Variants in DIABLO observed in about 807,000 individuals in gnomAD.
The protein encoded by DIABLO is diablo homolog, mitochondrial.
DIABLO carries 32 observed loss-of-function variants against 31.7 expected under a neutral mutation model. That is an observed-to-expected ratio of 1.01 (90% CI 0.76 to 1.35). DIABLO has a LOEUF of 1.35. Ranked by LOEUF, DIABLO falls within the 40% of genes most tolerant of loss-of-function variation. The pLI, the probability that DIABLO is intolerant of heterozygous loss-of-function variation, is 0.00. For missense variants in DIABLO, 316 were observed against 286.4 expected (o/e 1.10, Z -0.75); for synonymous variants, 132 against 103.2 (o/e 1.28, Z -1.69).
At position 122,218,246 on chromosome 12, in the gene DIABLO, AG is replaced by A. The variant is rs1566025688; in HGVS notation, c.315+19del. 1 of 1,613,968 alleles carries A rather than the reference AG, an allele frequency of 6.2e-7. No individual in the cohort carries two copies. The highest frequency in any genetic ancestry group is 8.5e-7 in the Non-Finnish European group (1 of 1,179,888). ...TGCTAAACCATGGTTTAGAAGATCA[AG>A]AGTTAAGAGGAGACATACCTTAGTA... On this transcript the variant is annotated intron_variant, in intron 3 of 5. Coordinates refer to ENST00000464942, the MANE Select transcript of DIABLO (RefSeq NM_001371333.1).
At chr12:122,225,707 G>C in intron 1 of DIABLO, 1 of 1,413,222 alleles carries the variant, frequency 7.1e-7, no homozygotes, top group Non-Finnish European at 9.2e-7. Context: ...AGGAGGCGGA[G>C]CAGCCCCAAG....
At chr12:122,224,684 A>G in intron 1 of DIABLO, 40 bp from the exon 2 acceptor site, 2 of 1,614,066 alleles carry the variant, frequency 1.2e-6, no homozygotes, top group Non-Finnish European at 1.7e-6. Flanking sequence ...ACGACCGCCA[A>G]TCTGTAACAG....
upstream of DIABLO, chr12:122,226,540 C>T (rs1369432907): frequency 1.4e-6 from 1 of 698,866 alleles, no homozygotes; most frequent in Non-Finnish European, 2.6e-6. Flanking sequence ...AGCTGCAGCA[C>T]GTGGACGGTG....
chr12:122,225,966 T>C lies in DIABLO; in HGVS notation c.49A>G (p.Arg17Gly), dbSNP rs762741062. The C allele has an allele frequency of 1.9e-6, 3 of 1,595,992 alleles. No individual in the cohort carries two copies. Among genetic ancestry groups the C allele is most frequent in the East Asian group, 4.5e-5 (2 of 44,118 alleles). ...WLSRSVTSFFRYRQCLCVPVV... is the reference protein window; with the variant it reads ...WLSRSVTSFFGYRQCLCVPVV... ...CCCTCTACGCGGCCGCAGCGGTACCTGAAGAATGAAGTTACGCTGCGCGAC... is the reference window on the plus strand; with the variant it reads ...CCCTCTACGCGGCCGCAGCGGTACCCGAAGAATGAAGTTACGCTGCGCGAC... Residue 17 changes from arginine to glycine, a missense_variant and splice_region_variant, in exon 1 of 6, where the codon AGG becomes GGG. Arg to Gly is a moderately radical substitution (Grantham distance 125). Transcript: ENST00000464942.
chr12:122,225,628 C>G (rs1169792355), intron 1 of DIABLO: 1 of 1,284,036 alleles, frequency 7.8e-7, no homozygotes, highest in African/African-American at 1.5e-5. Flanking sequence ...TCCCGGACTC[C>G]CCCCATGCCG....
intron 3 of DIABLO, chr12:122,217,152 T>C: frequency 2.6e-6 from 1 of 391,768 alleles, no homozygotes; most frequent in South Asian, 2.2e-5. Context: ...AAAAAGCTGC[T>C]GGAAAATATA....
At chr12:122,227,144 G>A (rs1954495262), upstream of DIABLO, among the ~76,000 whole-genome samples, 1 of 152,300 alleles carries the variant, frequency 6.6e-6, no homozygotes, top group Admixed American at 6.5e-5. Context: ...GGTGGTGGGT[G>A]GGCATCAATC....
chr12:122,213,296 A>G (rs1270955105), intron 5 of DIABLO, among the ~76,000 whole-genome samples: 4 of 151,460 alleles, frequency 2.6e-5, no homozygotes, highest in Non-Finnish European at 4.4e-5. Flanking sequence ...TTGAGAGGCC[A>G]AGGCGGGTGG....
At chr12:122,225,457 G>C (rs1474819138) in intron 1 of DIABLO, 1 of 1,007,286 alleles carries the variant, frequency 9.9e-7, no homozygotes, top group Non-Finnish European at 1.2e-6. Context: ...AACCGCTCCT[G>C]CAGGCAGAAT....
chr12:122,223,108 T>C (rs1268108669), intron 2 of DIABLO, among the ~76,000 whole-genome samples: 1 of 151,996 alleles, frequency 6.6e-6, no homozygotes, highest in Non-Finnish European at 1.5e-5. Flanking sequence ...ACTTTTAAAA[T>C]TTATGTCAGA....
At chr12:122,212,113 G>A (rs991919248) in intron 5 of DIABLO, among the ~76,000 whole-genome samples, 5 of 151,726 alleles carry the variant, frequency 3.3e-5, no homozygotes, top group Admixed American at 6.6e-5. Flanking sequence ...TGGGATCATA[G>A]GTGTGAACTA....
At chr12:122,216,938 C>CTTGAGGTGGAA in intron 3 of DIABLO, 69 bp from the exon 4 acceptor site, 5 of 1,364,616 alleles carry the variant, frequency 3.7e-6, no homozygotes, top group Non-Finnish European at 3.1e-6. Flanking sequence ...GAGAGATTTC[C>CTTGAGGTGGAA]ACCTCAAGGA....
rs780949034 is a variant in DIABLO at position 122,208,410 on chromosome 12, C to A, written c.691G>T (p.Glu231Ter). Residue 231 changes from glutamate to a stop codon, truncating the protein, a stop_gained, in exon 6 of 6, where the codon GAG becomes TAG. Transcript: ENST00000464942. LOFTEE classifies it high-confidence loss of function. ...QEEGEERAES[E>*]QEAYLRED Reference sequence around the variant, plus strand: ...TCCTCACGCAGGTAGGCCTCCTGCTCCGACTCAGCCCGCTCCTCCCCTTCC... The same window carrying A: ...TCCTCACGCAGGTAGGCCTCCTGCTACGACTCAGCCCGCTCCTCCCCTTCC... The A allele has an allele frequency of 3.7e-6, 6 of 1,613,122 alleles. No homozygotes were observed. The highest frequency in any genetic ancestry group is 5.1e-6 in the Non-Finnish European group (6 of 1,180,038).
rs1034009948 is a variant in DIABLO at position 122,208,426 on chromosome 12, C to T, written c.675G>A (p.Glu225=). The T allele has an allele frequency of 6.2e-6, 10 of 1,613,816 alleles. No individual in the cohort carries two copies. The highest frequency in any genetic ancestry group is 6.8e-6 in the Non-Finnish European group (8 of 1,180,040). ...CCTCCTGCTCCGACTCAGCCCGCTC[C>T]TCCCCTTCCTCCTGTGTTTTCTGAC... The part of the protein sequence containing the change: ...ELRQKTQEEG[E]ERAESEQEAY... Residue 225 remains glutamate (E), a synonymous_variant, in exon 6 of 6, where the codon GAG becomes GAA. Transcript: ENST00000464942.
chr12:122,215,972 C>A (rs935041998), intron 5 of DIABLO, among the ~76,000 whole-genome samples: 5 of 149,438 alleles, frequency 3.3e-5, no homozygotes, highest in Non-Finnish European at 7.4e-5. Context: ...GCCGAATGAT[C>A]TGGCCCATCT....
chr12:122,208,932 A>C, intron 5 of DIABLO: 1 of 375,510 alleles, frequency 2.7e-6, no homozygotes, highest in South Asian at 2.1e-5. Context: ...TCATGAATAA[A>C]ATTGTCAAAG....
intron 5 of DIABLO, chr12:122,208,866 A>C (rs1002083709): frequency 2.0e-6 from 1 of 490,002 alleles, no homozygotes; most frequent in African/African-American, 2.0e-5. Flanking sequence ...CTTTTAGTAC[A>C]GACCTTTGAT....
intron 5 of DIABLO, chr12:122,209,667 CAAAAA>C (rs147297982): frequency 3.8e-6 from 2 of 529,412 alleles, no homozygotes; most frequent in Non-Finnish European, 7.0e-6. Flanking sequence ...GTCTCCCCCC[CAAAAA>C]AAAAAATGAG....
intron 5 of DIABLO, chr12:122,209,845 C>T (rs138249052): frequency 2.3e-5 from 16 of 701,722 alleles, no homozygotes; most frequent in East Asian, 8.0e-5. Context: ...CTTCTAACTT[C>T]GATGAAAACA....
Sources: gnomAD v4.1 joint callset for allele counts (sites outside exome capture counted in the v4.1 genomes callset) on GRCh38, gnomAD v4.1.1 for gene constraint, MANE v1.5 for transcripts, NCBI Gene and HGNC (gene_info 2026-07-23, HGNC 2026-07-21) for gene names.